PNMA8B: variants seen among roughly 807,000 people sequenced by gnomAD.
PNMA8B encodes the protein paraneoplastic antigen-like protein 8B.
For synonymous variants in PNMA8B, 386 were observed against 394.9 expected, an observed-to-expected ratio of 0.98 and a Z score of 0.27; for missense variants, 887 against 885.8, an observed-to-expected ratio of 1.00 and a Z score of -0.02.
rs1346515940 is a variant in PNMA8B at position 46,494,947 on chromosome 19, C to A, written c.519G>T (p.Leu173Phe). Reference sequence around the variant, plus strand: ...GGCTTCTCTTCTTGCCCTTCTGGGTCAACCTGTTGCGTCTGGTTCTGTTTC... The same window carrying A: ...GGCTTCTCTTCTTGCCCTTCTGGGTAAACCTGTTGCGTCTGGTTCTGTTTC... The part of the protein sequence containing the change: ...GRRNRTRRNR[L>F]TQKGKKRSRG... Residue 173 changes from leucine (L) to phenylalanine (F), a missense_variant, in exon 1 of 1, where the codon TTG becomes TTT. Physicochemically the swap from Leu to Phe is conservative, Grantham distance 22 (BLOSUM62 0). Transcript: ENST00000599531. 6.2e-7 allele frequency: 1 copy of A among 1,609,976 alleles called. No individual in the cohort carries two copies. Among genetic ancestry groups the A allele is most frequent in the South Asian group, 1.1e-5 (1 of 91,088 alleles).
rs199786064 is a variant in PNMA8B, at chr19:46,494,427, G to T, written c.1039C>A (p.Arg347=). The change falls in exon 1 of 1, where the codon CGG becomes AGG. Residue 347 remains arginine, a synonymous_variant. Coordinates refer to ENST00000599531, the MANE Select transcript of PNMA8B (RefSeq NM_020709.3). ...AYTDPSDPWA[R]EEMLKIASVI... Reference sequence around the variant, plus strand: ...GAAGCGATTTTCAACATCTCCTCCCGGGCCCAGGGGTCCGACGGGTCGGTA... The same window carrying T: ...GAAGCGATTTTCAACATCTCCTCCCTGGCCCAGGGGTCCGACGGGTCGGTA... 2 of 1,613,836 alleles carry T rather than the reference G, an allele frequency of 1.2e-6. No homozygotes were observed. Among genetic ancestry groups the T allele is most frequent in the Admixed American group, 3.3e-5 (2 of 60,030 alleles).
Position 46,495,749 on chromosome 19 carries a change from C to G in PNMA8B, c.-284G>C. ...TTCCAGGACAGCTCCCTCCCTCTCT[C>G]CCTGACACAGGCCTGAGTGACTCGG... is the stretch of plus-strand genomic sequence containing the variant. On this transcript the variant is annotated 5_prime_UTR_variant, in exon 1 of 1. Coordinates refer to ENST00000599531, the MANE Select transcript of PNMA8B (RefSeq NM_020709.3). 1 of 409,078 alleles carries G rather than the reference C, an allele frequency of 2.4e-6. No individual in the cohort carries two copies. The highest frequency in any genetic ancestry group is 4.0e-5 in the East Asian group (1 of 25,086). 25.3% of individuals were successfully genotyped at this position (409,078 alleles called of 1,614,324 possible). A position where few individuals can be genotyped will look rare whatever the true frequency, so the allele number is the denominator to read the frequency against.
Position 46,494,223 on chromosome 19 carries a change from T to G in PNMA8B, c.1243A>C (p.Ile415Leu). The stretch of plus-strand genomic sequence containing the variant: ...AGATCCGGCTGCGCCAAGGTGGAAA[T>G]GCACTCCCGGAGGTCCCCGTCATCC... ...AGDDGDLREC[I>L]STLAQPDLPP... is the part of the protein sequence containing the mutation. Residue 415 changes from isoleucine to leucine, a missense_variant, in exon 1 of 1, where the codon ATT becomes CTT. Ile to Leu is a conservative substitution (Grantham distance 5). Coordinates refer to ENST00000599531, the MANE Select transcript of PNMA8B (RefSeq NM_020709.3). The G allele has an allele frequency of 1.2e-6, 2 of 1,609,330 alleles. No homozygotes were observed. The highest frequency in any genetic ancestry group is 1.7e-6 in the Non-Finnish European group (2 of 1,179,748).
In PNMA8B at chr19:46,493,146, G is replaced by A. The variant is rs187137063; in HGVS notation, c.*412C>T. On this transcript the variant is annotated 3_prime_UTR_variant, in exon 1 of 1. Transcript: ENST00000599531. The surrounding 1 kb of genome is among the most constrained non-coding windows in gnomAD (Gnocchi z 5.3). ...AGGGCCCAGTCAGACTGGGGTAGGG[G>A]CGACAGCGGCCTACAGCACCTGCCA... 135 of 166,410 alleles carry A rather than the reference G, an allele frequency of 8.1e-4. 1 individual carries two copies. Among genetic ancestry groups the A allele is most frequent in the African/African-American group, 3.1e-3 (129 of 42,190 alleles). 10.3% of individuals were successfully genotyped at this position (166,410 alleles called of 1,614,324 possible). A position where few individuals can be genotyped will look rare whatever the true frequency, so the allele number is the denominator to read the frequency against.
At position 46,493,755 on chromosome 19, in the gene PNMA8B, C is replaced by CACCCCG; in HGVS notation, c.1710_1711insCGGGGT (p.Arg569_Gly570dup). 1 of 1,436,552 alleles carries CACCCCG rather than the reference C, an allele frequency of 7.0e-7. No homozygotes were observed. Among genetic ancestry groups the CACCCCG allele is most frequent in the Non-Finnish European group, 9.1e-7 (1 of 1,100,508 alleles). The allele number at this position is 1,436,552 out of a possible 1,614,324, so 89.0% of individuals were successfully genotyped here. On this transcript the variant is annotated inframe_insertion, in exon 1 of 1. Transcript: ENST00000599531. The surrounding 1 kb of genome is among the most constrained non-coding windows in gnomAD (Gnocchi z 5.3). ...CTCCCGGCTTTCTTCTCGGGAGTGA[C>CACCCCG]GCCCCGGCCTCGGCCTCGGCCGCCC...
chr19:46,492,195 G>C lies in PNMA8B; in HGVS notation c.*1363C>G, dbSNP rs919287491. On this transcript the variant is annotated 3_prime_UTR_variant, in exon 1 of 1. Coordinates refer to ENST00000599531, the MANE Select transcript of PNMA8B (RefSeq NM_020709.3). ...CAAGTGGGGCAGGGCCCCCTGGCAC[G>C]ATGGGCTCCTCACTGCCAGGGAATG... is the stretch of plus-strand genomic sequence containing the variant. The C allele has an allele frequency of 4.9e-6, 2 of 405,786 alleles. No homozygotes were observed. The highest frequency in any genetic ancestry group is 1.0e-5 in the Non-Finnish European group (2 of 200,590). The allele number at this position is 405,786 out of a possible 1,614,324, so 25.1% of individuals were successfully genotyped here.
Position 46,493,531 on chromosome 19 carries a change from C to T in PNMA8B, c.*27G>A, listed in dbSNP as rs933827905. ...GCGGGTGCCCTGCGGGGCCTGCTCG[C>T]AGCCTGGGCGGCTTCTTGGGGGGCC... is the stretch of plus-strand genomic sequence containing the variant. On this transcript the variant is annotated 3_prime_UTR_variant, in exon 1 of 1. Coordinates refer to ENST00000599531, the MANE Select transcript of PNMA8B (RefSeq NM_020709.3). This position sits in a 1 kb window ranked among gnomAD's most constrained non-coding sequence, Gnocchi z 5.3. The T allele has an allele frequency of 7.6e-7, 1 of 1,321,104 alleles. No individual in the cohort carries two copies. Among genetic ancestry groups the T allele is most frequent in the African/African-American group, 1.5e-5 (1 of 65,230 alleles). 81.8% of individuals were successfully genotyped at this position (1,321,104 alleles called of 1,614,324 possible).
chr19:46,495,395 G>A lies in PNMA8B; in HGVS notation c.71C>T (p.Thr24Ile), dbSNP rs989685945. 7.1e-7 allele frequency: 1 copy of A among 1,402,544 alleles called. No homozygotes were observed. 86.9% of individuals were successfully genotyped at this position (1,402,544 alleles called of 1,614,324 possible). A position where few individuals can be genotyped will look rare whatever the true frequency, so the allele number is the denominator to read the frequency against. ...CTGCTCCAGGCCCTCCGGGATGCCG[G>A]TGACCAGCAGGGCCCTGTGCGCGTC... ...DVDAHRALLV[T>I]GIPEGLEQAD... The change falls in exon 1 of 1, where the codon ACC becomes ATC. Residue 24 changes from threonine (T) to isoleucine (I), a missense_variant. By Grantham distance (89) the Thr-to-Ile change is moderately conservative. Coordinates refer to ENST00000599531, the MANE Select transcript of PNMA8B (RefSeq NM_020709.3).
In PNMA8B at chr19:46,494,164, G is replaced by A. The variant is rs1371650170; in HGVS notation, c.1302C>T (p.Leu434=). Residue 434 remains leucine (L), a synonymous_variant, in exon 1 of 1, where the codon CTC becomes CTT. Coordinates refer to ENST00000599531, the MANE Select transcript of PNMA8B (RefSeq NM_020709.3). ...CACGGTGCTCGCTCCAGCCCCCGAA[G>A]AGGCCACGCCCAGCCTTCTTCGCCT... is the stretch of plus-strand genomic sequence containing the variant. ...PPQAKKAGRG[L]FGGWSEHRED... 10 of 1,610,338 alleles carry A rather than the reference G, an allele frequency of 6.2e-6. No individual in the cohort carries two copies. The highest frequency in any genetic ancestry group is 1.3e-5 in the African/African-American group (1 of 74,916).
In PNMA8B at chr19:46,494,523, C is replaced by A. The variant is rs1195164844; in HGVS notation, c.943G>T (p.Asp315Tyr). 1.2e-6 allele frequency: 2 copies of A among 1,613,942 alleles called. No homozygotes were observed. The highest frequency in any genetic ancestry group is 2.7e-5 in the African/African-American group (2 of 74,930). Residue 315 changes from aspartate to tyrosine, a missense_variant, in exon 1 of 1, where the codon GAC (aspartate) becomes TAC (tyrosine). Asp to Tyr is a radical substitution (Grantham distance 160, BLOSUM62 -3). Coordinates refer to ENST00000599531, the MANE Select transcript of PNMA8B (RefSeq NM_020709.3). ...TCTTGGTCCCCACTTTCCTGCGAGT[C>A]GCTCTCCGAAGTGTCGCTGTCCACC... ...EPVDSDTSES[D>Y]SQESGDQETE...
In PNMA8B at chr19:46,494,595, C is replaced by T. The variant is rs749638623; in HGVS notation, c.871G>A (p.Asp291Asn). 1.2e-6 allele frequency: 2 copies of T among 1,614,034 alleles called. No homozygotes were observed. The highest frequency in any genetic ancestry group is 1.1e-5 in the South Asian group (1 of 91,084). Residue 291 changes from aspartate to asparagine, a missense_variant, in exon 1 of 1, where the codon GAC (aspartate) becomes AAC (asparagine). Asp to Asn is a conservative substitution (Grantham distance 23). Coordinates refer to ENST00000599531, the MANE Select transcript of PNMA8B (RefSeq NM_020709.3). Reference sequence around the variant, plus strand: ...CTCACAGCCAGCAGGGCCACTAAGTCGGGGACACCATTTTTGTCTTCTTTG... The same window carrying T: ...CTCACAGCCAGCAGGGCCACTAAGTTGGGGACACCATTTTTGTCTTCTTTG... ...NTKEDKNGVP[D>N]LVALLAVRDT...
Position 46,493,572 on chromosome 19 carries a change from G to C in PNMA8B, c.1894C>G (p.Pro632Ala), listed in dbSNP as rs779953546. The change falls in exon 1 of 1, where the codon CCT becomes GCT. Residue 632 changes from proline (P) to alanine (A), a missense_variant. Pro to Ala is a conservative substitution (Grantham distance 27). Coordinates refer to ENST00000599531, the MANE Select transcript of PNMA8B (RefSeq NM_020709.3). This position sits in a 1 kb window ranked among gnomAD's most constrained non-coding sequence, Gnocchi z 5.3. ...KKARRGRRLPPKCR is the reference protein window; with the variant it reads ...KKARRGRRLPAKCR The stretch of plus-strand genomic sequence containing the variant: ...TTGGGGGGCCACTAGCGGCATTTAG[G>C]GGGCAGCCTCCGGCCCCGACGGGCC... 6.9e-7 allele frequency: 1 copy of C among 1,439,480 alleles called. No homozygotes were observed. Among genetic ancestry groups the C allele is most frequent in the South Asian group, 1.5e-5 (1 of 68,068 alleles). The allele number at this position is 1,439,480 out of a possible 1,614,324, so 89.2% of individuals were successfully genotyped here. A position where few individuals can be genotyped will look rare whatever the true frequency, so the allele number is the denominator to read the frequency against.
Position 46,494,557 on chromosome 19 carries a change from G to C in PNMA8B, c.909C>G (p.Asp303Glu). ...VALLAVRDTP[D>E]EEPVDSDTSE... ...AAGTGTCGCTGTCCACCGGCTCCTC[G>C]TCCGGGGTGTCTCTCACAGCCAGCA... The change falls in exon 1 of 1, where the codon GAC becomes GAG. Residue 303 changes from aspartate to glutamate, a missense_variant. Coordinates refer to ENST00000599531, the MANE Select transcript of PNMA8B (RefSeq NM_020709.3). 6.2e-7 allele frequency: 1 copy of C among 1,614,024 alleles called. No individual in the cohort carries two copies. Among genetic ancestry groups the C allele is most frequent in the Non-Finnish European group, 8.5e-7 (1 of 1,179,900 alleles).
At position 46,493,892 on chromosome 19, in the gene PNMA8B, G is replaced by T; in HGVS notation, c.1574C>A (p.Pro525Gln). Residue 525 changes from proline to glutamine, a missense_variant, in exon 1 of 1, where the codon CCG (proline) becomes CAG (glutamine). Coordinates refer to ENST00000599531, the MANE Select transcript of PNMA8B (RefSeq NM_020709.3). This position sits in a 1 kb window ranked among gnomAD's most constrained non-coding sequence, Gnocchi z 5.3. Reference protein sequence around the residue: ...SEDTESEASEPEDRASRKPRA... With the variant: ...SEDTESEASEQEDRASRKPRA... ...GGGCTTCCTGGATGCCCTGTCCTCC[G>T]GCTCCGACGCCTCGCTCTCGGTGTC... 2 of 1,561,324 alleles carry T rather than the reference G, an allele frequency of 1.3e-6. No individual in the cohort carries two copies. Among genetic ancestry groups the T allele is most frequent in the Non-Finnish European group, 1.7e-6 (2 of 1,154,300 alleles).
chr19:46,494,779 G>A lies in PNMA8B; in HGVS notation c.687C>T (p.Ala229=), dbSNP rs1460885119. The change falls in exon 1 of 1, where the codon GCC becomes GCT. Residue 229 remains alanine (A), a synonymous_variant. Coordinates refer to ENST00000599531, the MANE Select transcript of PNMA8B (RefSeq NM_020709.3). ...ACTGCCTAACCAGCTCCCTGGCAGC[G>A]GCCTGCAGCGTGGCGTACAGCGCGC... ...DQSALYATLQ[A]AARELVRQWA... 20 of 1,613,590 alleles carry A rather than the reference G, an allele frequency of 1.2e-5. No homozygotes were observed. Among genetic ancestry groups the A allele is most frequent in the Non-Finnish European group, 1.5e-5 (18 of 1,179,850 alleles).
chr19:46,493,797 C>T lies in PNMA8B; in HGVS notation c.1669G>A (p.Ala557Thr), dbSNP rs1200704451. The T allele has an allele frequency of 7.5e-7, 1 of 1,324,844 alleles. No individual in the cohort carries two copies. The allele number at this position is 1,324,844 out of a possible 1,614,324, so 82.1% of individuals were successfully genotyped here. The change falls in exon 1 of 1, where the codon GCC becomes ACC. Residue 557 changes from alanine (A) to threonine (T), a missense_variant. Physicochemically the swap from Ala to Thr is moderately conservative, Grantham distance 58. Coordinates refer to ENST00000599531, the MANE Select transcript of PNMA8B (RefSeq NM_020709.3). The surrounding 1 kb of genome is among the most constrained non-coding windows in gnomAD (Gnocchi z 5.3). Reference protein sequence around the residue: ...PAGAPPTASGARKTRAGGRGR... With the variant: ...PAGAPPTASGTRKTRAGGRGR... ...CGGCCGCCCGCGCGGGTTTTGCGGG[C>T]CCCGGAAGCGGTGGGAGGCGCGCCG... is the stretch of plus-strand genomic sequence containing the variant.
rs1489880089 is a variant in PNMA8B, at chr19:46,491,945, C to T, written c.*1613G>A. ...AGAAGCACACCTGGGGCCCTCCCCACCCACAGGCAACACCACAGGCTGCTG... is the reference window on the plus strand; with the variant it reads ...AGAAGCACACCTGGGGCCCTCCCCATCCACAGGCAACACCACAGGCTGCTG... On this transcript the variant is annotated 3_prime_UTR_variant, in exon 1 of 1. Coordinates refer to ENST00000599531, the MANE Select transcript of PNMA8B (RefSeq NM_020709.3). 2 of 196,980 alleles carry T rather than the reference C, an allele frequency of 1.0e-5. No individual in the cohort carries two copies. Among genetic ancestry groups the T allele is most frequent in the African/African-American group, 2.4e-5 (1 of 42,474 alleles). The allele number at this position is 196,980 out of a possible 1,614,324, so 12.2% of individuals were successfully genotyped here. A position where few individuals can be genotyped will look rare whatever the true frequency, so the allele number is the denominator to read the frequency against.
chr19:46,494,715 G>C lies in PNMA8B; in HGVS notation c.751C>G (p.Arg251Gly). The C allele has an allele frequency of 1.2e-6, 2 of 1,613,962 alleles. No homozygotes were observed. The highest frequency in any genetic ancestry group is 1.7e-6 in the Non-Finnish European group (2 of 1,179,890). ...CNSEGEEDGP[R>G]EFLALVTVTD... ...ACGGTGACCAGAGCCAAGAACTCGC[G>C]GGGACCGTCTTCTTCCCCCTCGGAG... is the stretch of plus-strand genomic sequence containing the variant. The change falls in exon 1 of 1, where the codon CGC (arginine) becomes GGC (glycine). Residue 251 changes from arginine (R) to glycine (G), a missense_variant. Coordinates refer to ENST00000599531, the MANE Select transcript of PNMA8B (RefSeq NM_020709.3).
chr19:46,495,122 G>A lies in PNMA8B; in HGVS notation c.344C>T (p.Pro115Leu). The A allele has an allele frequency of 6.2e-7, 1 of 1,613,734 alleles. No individual in the cohort carries two copies. The highest frequency in any genetic ancestry group is 8.5e-7 in the Non-Finnish European group (1 of 1,179,840). The change falls in exon 1 of 1, where the codon CCC becomes CTC. Residue 115 changes from proline to leucine, a missense_variant. Transcript: ENST00000599531. ...GGTCCCAGCCTCCGCGGCCTGCGTG[G>A]GCCCGTCATCCAGCAGCAGGCGTCT... ...QMRRLLLDDG[P>L]TQAAEAGTPG...
Sources: allele counts gnomAD v4.1 joint callset, GRCh38; gene constraint gnomAD v4.1.1; non-coding constraint Gnocchi (gnomAD v3.1); transcripts MANE v1.5; gene names NCBI Gene and HGNC (gene_info 2026-07-23, HGNC 2026-07-21).